RANBP6: variants seen among roughly 807,000 people sequenced by gnomAD.
RANBP6 encodes the protein ran-binding protein 6.
A neutral mutation model predicts 35.3 loss-of-function variants in RANBP6; 10 were observed. That is an observed-to-expected ratio of 0.28 (90% CI 0.17 to 0.48). The LOEUF is 0.48. Among genes scored for constraint, RANBP6 ranks in the 20% least tolerant of loss-of-function variants. RANBP6 has a pLI of 0.99. For missense variants in RANBP6, 1,392 were observed against 1,307.7 expected (o/e 1.06, Z -0.99); for synonymous variants, 514 against 464.2 (o/e 1.11, Z -1.38).
rs200029811 is a variant in RANBP6 at position 6,015,091 on chromosome 9, G to T, written c.517C>A (p.Gln173Lys). Residue 173 changes from glutamine to lysine, a missense_variant, in exon 1 of 1, where the codon CAA becomes AAA. Physicochemically the swap from Gln to Lys is moderately conservative, Grantham distance 53 (BLOSUM62 1). Coordinates refer to ENST00000259569, the MANE Select transcript of RANBP6 (RefSeq NM_012416.4). Reference sequence around the variant, plus strand: ...ATGATATCCAAATCATGCCGCTCTTGGGTCCCAAAAATCCCAGGAAAGTGC... The same window carrying T: ...ATGATATCCAAATCATGCCGCTCTTTGGTCCCAAAAATCCCAGGAAAGTGC... ...FWHFPGIFGT[Q>K]ERHDLDIIKR... 1.5e-5 allele frequency: 24 copies of T among 1,614,118 alleles called. No homozygotes were observed. In the East Asian group the frequency reaches 4.9e-4, roughly 33 times the overall value.
At position 6,011,713 on chromosome 9, in the gene RANBP6, C is replaced by A. The variant is rs889734951; in HGVS notation, c.*577G>T. ...TCTCAACCAGACACCTTGGGAACTA[C>A]AATATGGATATGTCCTACCCAGTTC... On this transcript the variant is annotated 3_prime_UTR_variant, in exon 1 of 1. Coordinates refer to ENST00000259569, the MANE Select transcript of RANBP6 (RefSeq NM_012416.4). 7 of 152,222 alleles carry A rather than the reference C, an allele frequency of 4.6e-5. No homozygotes were observed. Among genetic ancestry groups the A allele is most frequent in the African/African-American group, 1.4e-4 (6 of 41,440 alleles). 9.4% of individuals were successfully genotyped at this position (152,222 alleles called of 1,614,324 possible).
chr9:6,011,778 T>A lies in RANBP6; in HGVS notation c.*512A>T, dbSNP rs1842476484. On this transcript the variant is annotated 3_prime_UTR_variant, in exon 1 of 1. Transcript: ENST00000259569. ...TGAAGAAGTTCATATACATCCCACATCCACTGCAGTATCTCAAAACTCTCC... is the reference window on the plus strand; with the variant it reads ...TGAAGAAGTTCATATACATCCCACAACCACTGCAGTATCTCAAAACTCTCC... 3 of 152,738 alleles carry A rather than the reference T, an allele frequency of 2.0e-5. No homozygotes were observed. Among genetic ancestry groups the A allele is most frequent in the Non-Finnish European group, 4.4e-5 (3 of 68,458 alleles). 9.5% of individuals were successfully genotyped at this position (152,738 alleles called of 1,614,324 possible).
chr9:6,014,217 T>C lies in RANBP6; in HGVS notation c.1391A>G (p.Gln464Arg), dbSNP rs138342092. Residue 464 changes from glutamine (Q) to arginine (R), a missense_variant, in exon 1 of 1, where the codon CAG (glutamine) becomes CGG (arginine). Gln to Arg is a conservative substitution (Grantham distance 43). Transcript: ENST00000259569. Reference protein sequence around the residue: ...LLRTMENQGNQRVQSHAASAL... With the variant: ...LLRTMENQGNRRVQSHAASAL... ...AGAAGCTGCATGTGATTGCACACGC[T>C]GATTACCTTGATTTTCCATGGTACG... The C allele has an allele frequency of 1.9e-5, 31 of 1,613,742 alleles. No homozygotes were observed. Among genetic ancestry groups the C allele is most frequent in the Non-Finnish European group, 2.6e-5 (31 of 1,179,876 alleles).
Position 6,014,625 on chromosome 9 carries a change from T to C in RANBP6, c.983A>G (p.Asp328Gly), listed in dbSNP as rs1375885724. Reference sequence around the variant, plus strand: ...TTCCATTTCATCAGCATTTACCCAGTCCTCATCATCTTGTAGATCAACCAT... The same window carrying C: ...TTCCATTTCATCAGCATTTACCCAGCCCTCATCATCTTGTAGATCAACCAT... ...AMMVDLQDDE[D>G]WVNADEMEED... The change falls in exon 1 of 1, where the codon GAC (aspartate) becomes GGC (glycine). Residue 328 changes from aspartate to glycine, a missense_variant. Coordinates refer to ENST00000259569, the MANE Select transcript of RANBP6 (RefSeq NM_012416.4). 1 of 1,614,046 alleles carries C rather than the reference T, an allele frequency of 6.2e-7. No homozygotes were observed. The highest frequency in any genetic ancestry group is 8.5e-7 in the Non-Finnish European group (1 of 1,180,038).
Position 6,015,282 on chromosome 9 carries a change from G to C in RANBP6, c.326C>G (p.Thr109Arg). 6.2e-7 allele frequency: 1 copy of C among 1,614,204 alleles called. No individual in the cohort carries two copies. Among genetic ancestry groups the C allele is most frequent in the Non-Finnish European group, 8.5e-7 (1 of 1,180,044 alleles). The change falls in exon 1 of 1, where the codon ACA becomes AGA. Residue 109 changes from threonine (T) to arginine (R), a missense_variant. By Grantham distance (71) the Thr-to-Arg change is moderately conservative (BLOSUM62 -1). Transcript: ENST00000259569. The part of the protein sequence containing the change: ...IELILAVKLE[T>R]HASMRKKLCD... ...AAGTTTTTTCCTCATGCTAGCATGTGTTTCTAACTTAACAGCCAGAATCAG... is the reference window on the plus strand; with the variant it reads ...AAGTTTTTTCCTCATGCTAGCATGTCTTTCTAACTTAACAGCCAGAATCAG...
rs1587506549 is a variant in RANBP6, at chr9:6,015,153, T to C, written c.455A>G (p.Asn152Ser). The C allele has an allele frequency of 6.2e-7, 1 of 1,614,078 alleles. No homozygotes were observed. The highest frequency in any genetic ancestry group is 8.5e-7 in the Non-Finnish European group (1 of 1,180,030). ...KFLIDSIYSK[N>S]VVLWEVALHV... Reference sequence around the variant, plus strand: ...AAGTGCAACTTCCCATAGAACCACATTTTTGGAGTAGATTGAATCAATAAG... The same window carrying C: ...AAGTGCAACTTCCCATAGAACCACACTTTTGGAGTAGATTGAATCAATAAG... Residue 152 changes from asparagine (N) to serine (S), a missense_variant, in exon 1 of 1, where the codon AAT becomes AGT. Transcript: ENST00000259569.
At position 6,014,394 on chromosome 9, in the gene RANBP6, A is replaced by C. The variant is rs779294711; in HGVS notation, c.1214T>G (p.Leu405Arg). Residue 405 changes from leucine (L) to arginine (R), a missense_variant, in exon 1 of 1, where the codon CTA becomes CGA. Coordinates refer to ENST00000259569, the MANE Select transcript of RANBP6 (RefSeq NM_012416.4). Reference sequence around the variant, plus strand: ...CAAAACGGAGTTAACTGTTTCATCTAGAATTGATTCCATTTGTTGATGGCA... The same window carrying C: ...CAAAACGGAGTTAACTGTTTCATCTCGAATTGATTCCATTTGTTGATGGCA... ...EGCHQQMESI[L>R]DETVNSVLLF... 2.5e-6 allele frequency: 4 copies of C among 1,614,228 alleles called. No homozygotes were observed. Among genetic ancestry groups the C allele is most frequent in the African/African-American group, 1.3e-5 (1 of 75,070 alleles).
Position 6,013,535 on chromosome 9 carries a change from T to A in RANBP6, c.2073A>T (p.Gln691His). ...SGLEAKATACQMLVYYAKELR... is the reference protein window; with the variant it reads ...SGLEAKATACHMLVYYAKELR... ...ACTCCTTAGCATAGTAAACCAACAT[T>A]TGGCAAGCAGTTGCTTTTGCTTCAA... Residue 691 changes from glutamine to histidine, a missense_variant, in exon 1 of 1, where the codon CAA becomes CAT. Gln to His is a conservative substitution (Grantham distance 24). Coordinates refer to ENST00000259569, the MANE Select transcript of RANBP6 (RefSeq NM_012416.4). 6.2e-7 allele frequency: 1 copy of A among 1,614,190 alleles called. No individual in the cohort carries two copies. The highest frequency in any genetic ancestry group is 8.5e-7 in the Non-Finnish European group (1 of 1,180,024).
In RANBP6 at chr9:6,014,917, G is replaced by A; in HGVS notation, c.691C>T (p.Gln231Ter). ...DFADLLPGIL[Q>*]AVNDSCYQDD... Reference sequence around the variant, plus strand: ...TGGTAGCATGAGTCATTCACAGCCTGTAAGATTCCAGGAAGCAAGTCTGCA... The same window carrying A: ...TGGTAGCATGAGTCATTCACAGCCTATAAGATTCCAGGAAGCAAGTCTGCA... Residue 231 changes from glutamine to a stop codon, truncating the protein, a stop_gained, in exon 1 of 1, where the codon CAG becomes TAG. Transcript: ENST00000259569. LOFTEE classifies it low-confidence loss of function (END_TRUNC). 1 of 1,614,126 alleles carries A rather than the reference G, an allele frequency of 6.2e-7. No homozygotes were observed. Among genetic ancestry groups the A allele is most frequent in the Non-Finnish European group, 8.5e-7 (1 of 1,179,990 alleles).
In RANBP6 at chr9:6,015,229, T is replaced by C; in HGVS notation, c.379A>G (p.Asn127Asp). Residue 127 changes from asparagine to aspartate, a missense_variant, in exon 1 of 1, where the codon AAT becomes GAT. Transcript: ENST00000259569. ...TTAGTGCCATCCTCATCTATCAAAT[T>C]CCTGGCCAGCACTGCAAAAATATCA... Reference protein sequence around the residue: ...LCDIFAVLARNLIDEDGTNHW... With the variant: ...LCDIFAVLARDLIDEDGTNHW... 1.9e-6 allele frequency: 3 copies of C among 1,614,154 alleles called. No individual in the cohort carries two copies. Among genetic ancestry groups the C allele is most frequent in the Non-Finnish European group, 2.5e-6 (3 of 1,180,024 alleles).
Position 6,014,029 on chromosome 9 carries a change from C to T in RANBP6, c.1579G>A (p.Val527Ile). The T allele has an allele frequency of 6.2e-7, 1 of 1,613,816 alleles. No individual in the cohort carries two copies. Among genetic ancestry groups the T allele is most frequent in the Non-Finnish European group, 8.5e-7 (1 of 1,179,912 alleles). ...LEQLVTTIAS[V>I]ADTIEEKFVP... Reference sequence around the variant, plus strand: ...AATTTTTCTTCTATTGTATCTGCAACTGATGCAATGGTTGTCACAAGTTGT... The same window carrying T: ...AATTTTTCTTCTATTGTATCTGCAATTGATGCAATGGTTGTCACAAGTTGT... The change falls in exon 1 of 1, where the codon GTT becomes ATT. Residue 527 changes from valine to isoleucine, a missense_variant. Transcript: ENST00000259569.
chr9:6,012,908 TATG>T lies in RANBP6; in HGVS notation c.2697_2699del (p.Ile900del). ...TAAATGAAGTTGGACTGCAGTGCTC[TATG>T]ATGTCATCAAATATGCACAATCCCC... On this transcript the variant is annotated inframe_deletion, in exon 1 of 1. Coordinates refer to ENST00000259569, the MANE Select transcript of RANBP6 (RefSeq NM_012416.4). 2 of 1,614,202 alleles carry T rather than the reference TATG, an allele frequency of 1.2e-6. No individual in the cohort carries two copies. Among genetic ancestry groups the T allele is most frequent in the Non-Finnish European group, 1.7e-6 (2 of 1,180,030 alleles).
chr9:6,012,991 G>T lies in RANBP6; in HGVS notation c.2617C>A (p.Leu873Ile), dbSNP rs1209253264. Residue 873 changes from leucine to isoleucine, a missense_variant, in exon 1 of 1, where the codon CTT becomes ATT. Leu to Ile is a conservative substitution (Grantham distance 5, BLOSUM62 2). Coordinates refer to ENST00000259569, the MANE Select transcript of RANBP6 (RefSeq NM_012416.4). ...EKILPWFEQL[L>I]PLIVNLICSS... ...CAAATTAGATTTACAATTAATGGAA[G>T]TAGTTGTTCAAACCATGGTAAAATC... The T allele has an allele frequency of 9.9e-6, 16 of 1,613,536 alleles. No homozygotes were observed. Among genetic ancestry groups the T allele is most frequent in the Non-Finnish European group, 1.3e-5 (15 of 1,179,688 alleles).
chr9:6,014,140 C>G lies in RANBP6; in HGVS notation c.1468G>C (p.Val490Leu). The change falls in exon 1 of 1, where the codon GTG becomes CTG. Residue 490 changes from valine to leucine, a missense_variant. By Grantham distance (32) the Val-to-Leu change is conservative. Coordinates refer to ENST00000259569, the MANE Select transcript of RANBP6 (RefSeq NM_012416.4). ...TGTAGATTTTTCACCATACTATCCA[C>G]ATATAGAACTAGCAATGATTTAGGG... ...DCPKSLLVLY[V>L]DSMVKNLHSV... The G allele has an allele frequency of 1.2e-6, 2 of 1,613,962 alleles. No individual in the cohort carries two copies.
chr9:6,015,602 C>T lies in RANBP6; in HGVS notation c.6G>A (p.Ala2=), dbSNP rs1160014556. The change falls in exon 1 of 1, where the codon GCG becomes GCA. Residue 2 remains alanine, a synonymous_variant. Transcript: ENST00000259569. ...CCGGCACCCCTGCAGACGCGGTTGCCGCCATTGCGCTCTGTCAAAGCTACC... is the reference window on the plus strand; with the variant it reads ...CCGGCACCCCTGCAGACGCGGTTGCTGCCATTGCGCTCTGTCAAAGCTACC... M[A]ATASAGVPAT... 3.0e-5 allele frequency: 47 copies of T among 1,591,350 alleles called. No individual in the cohort carries two copies. The highest frequency in any genetic ancestry group is 3.7e-5 in the Non-Finnish European group (44 of 1,174,836).
Position 6,014,356 on chromosome 9 carries a change from C to T in RANBP6, c.1252G>A (p.Asp418Asn). 1 of 1,613,696 alleles carries T rather than the reference C, an allele frequency of 6.2e-7. No homozygotes were observed. The highest frequency in any genetic ancestry group is 8.5e-7 in the Non-Finnish European group (1 of 1,179,624). The part of the protein sequence containing the change: ...TVNSVLLFLQ[D>N]PHPRVRAAAC... ...GCAGCCCTCACCCTTGGATGAGGAT[C>T]CTGAAGAAAAAGCAAAACGGAGTTA... The change falls in exon 1 of 1, where the codon GAT becomes AAT. Residue 418 changes from aspartate to asparagine, a missense_variant. Physicochemically the swap from Asp to Asn is conservative, Grantham distance 23. Coordinates refer to ENST00000259569, the MANE Select transcript of RANBP6 (RefSeq NM_012416.4).
At position 6,013,915 on chromosome 9, in the gene RANBP6, T is replaced by C; in HGVS notation, c.1693A>G (p.Thr565Ala). 6.2e-7 allele frequency: 1 copy of C among 1,613,990 alleles called. No individual in the cohort carries two copies. Among genetic ancestry groups the C allele is most frequent in the Admixed American group, 1.7e-5 (1 of 60,022 alleles). Residue 565 changes from threonine to alanine, a missense_variant, in exon 1 of 1, where the codon ACT becomes GCT. Coordinates refer to ENST00000259569, the MANE Select transcript of RANBP6 (RefSeq NM_012416.4). ...QKELKLLRGK[T>A]IECISHIGLA... ...CCAATATGGCTAATGCACTCGATAG[T>C]TTTTCCTCTCAGAAGCTTGAGTTCC...
chr9:6,014,680 CAAT>C lies in RANBP6; in HGVS notation c.925_927del (p.Ile309del). On this transcript the variant is annotated inframe_deletion, in exon 1 of 1. Coordinates refer to ENST00000259569, the MANE Select transcript of RANBP6 (RefSeq NM_012416.4). ...GCTAATATATGAGGAACTGCCTGTGCAATAATATTTGTATGTTTTTTCAACATC... is the reference window on the plus strand; with the variant it reads ...GCTAATATATGAGGAACTGCCTGTGCAATATTTGTATGTTTTTTCAACATC... The C allele has an allele frequency of 2.5e-6, 4 of 1,614,152 alleles. No homozygotes were observed. The highest frequency in any genetic ancestry group is 3.4e-6 in the Non-Finnish European group (4 of 1,180,042).
At position 6,013,228 on chromosome 9, in the gene RANBP6, T is replaced by C; in HGVS notation, c.2380A>G (p.Asn794Asp). The C allele has an allele frequency of 6.2e-7, 1 of 1,614,104 alleles. No individual in the cohort carries two copies. Among genetic ancestry groups the C allele is most frequent in the South Asian group, 1.1e-5 (1 of 91,066 alleles). The change falls in exon 1 of 1, where the codon AAT becomes GAT. Residue 794 changes from asparagine (N) to aspartate (D), a missense_variant. By Grantham distance (23) the Asn-to-Asp change is conservative (BLOSUM62 1). Transcript: ENST00000259569. ...SIEVMGDGCL[N>D]DEHLEELGGI... Reference sequence around the variant, plus strand: ...CCCAGTTCTTCCAAGTGTTCATCATTAAGGCAACCATCTCCCATAACTTCA... The same window carrying C: ...CCCAGTTCTTCCAAGTGTTCATCATCAAGGCAACCATCTCCCATAACTTCA...
Sources: gnomAD v4.1 joint callset for allele counts on GRCh38, gnomAD v4.1.1 for gene constraint, MANE v1.5 for transcripts, NCBI Gene and HGNC (gene_info 2026-07-23, HGNC 2026-07-21) for gene names.